The following LZTS1 variants were observed in gnomAD, a reference collection of about 807,000 sequenced individuals.
The protein encoded by LZTS1 is leucine zipper putative tumor suppressor 1.
A neutral mutation model predicts 45.8 loss-of-function variants in LZTS1; 31 were observed. That is an observed-to-expected ratio of 0.68 (90% confidence interval 0.51 to 0.91). The LOEUF is 0.91. Ranked by LOEUF, LZTS1 falls within the 40% of genes least tolerant of loss-of-function variation. The pLI is 0.00. For missense variants in LZTS1, 821 were observed against 788.9 expected (o/e 1.04, Z -0.49); for synonymous variants, 359 against 357.3 (o/e 1.00, Z -0.05).
rs1800437644 is a variant in LZTS1 at position 20,269,879 on chromosome 8, AG to A, written c.-134-14565del. On this transcript the variant is annotated intron_variant, in intron 1 of 3. Transcript: ENST00000381569. ...CTCTCTAGACCAGGGTCTTCCATGG[AG>A]GGAAGTGCAGCAGGTGCACGACTCT... 5.3e-5 allele frequency among the ~76,000 whole-genome samples: 8 copies of A among 152,238 alleles called. No homozygotes were observed. The South Asian group carries it at 1.7e-3, about 32-fold the overall frequency.
intron 1 of LZTS1, among the ~76,000 whole-genome samples, chr8:20,294,854 C>A (rs1265779249): frequency 6.6e-6 from 1 of 151,968 alleles, no homozygotes; most frequent in East Asian, 1.9e-4. Flanking sequence ...AGACACCAGG[C>A]ATGGGGCTGC....
chr8:20,268,622 C>A (rs1458715961), intron 1 of LZTS1, among the ~76,000 whole-genome samples: 2 of 152,050 alleles, frequency 1.3e-5, no homozygotes, highest in East Asian at 1.9e-4. Context: ...TTTGCAGACG[C>A]CTGAAGGCCT....
At position 20,255,212 on chromosome 8, in the gene LZTS1, C is replaced by T. The variant is rs372582893; in HGVS notation, c.-31G>A. ...CTCGGGGCTGAGGATGGGGCAGGGC[C>T]GGGCAGGGTCTTGGAAAGGCTGTGG... On this transcript the variant is annotated 5_prime_UTR_variant, in exon 2 of 4. Transcript: ENST00000381569. 46 of 1,586,736 alleles carry T rather than the reference C, an allele frequency of 2.9e-5. No homozygotes were observed. The highest frequency in any genetic ancestry group is 2.5e-4 in the South Asian group (22 of 87,422).
In LZTS1 at chr8:20,253,299, T is replaced by C; in HGVS notation, c.632A>G (p.His211Arg). 5 of 1,613,966 alleles carry C rather than the reference T, an allele frequency of 3.1e-6. No homozygotes were observed. Among genetic ancestry groups the C allele is most frequent in the Non-Finnish European group, 4.2e-6 (5 of 1,180,040 alleles). The change falls in exon 3 of 4, where the codon CAC becomes CGC. Residue 211 changes from histidine (H) to arginine (R), a missense_variant. Coordinates refer to ENST00000381569, the MANE Select transcript of LZTS1 (RefSeq NM_021020.5). The stretch of plus-strand genomic sequence containing the variant: ...GAGGACGATGCCCTGGGTGATGTTG[T>C]GGGCGGAGCCCCCAAAACGGCTTGT... ...GPTSRFGGSAHNITQGIVLQD... is the reference protein window; with the variant it reads ...GPTSRFGGSARNITQGIVLQD...
intron 1 of LZTS1, among the ~76,000 whole-genome samples, chr8:20,303,332 G>C (rs1359971648): frequency 6.6e-6 from 1 of 152,108 alleles, no homozygotes; most frequent in Non-Finnish European, 1.5e-5. Context: ...ACCGACCGCC[G>C]GACCCTCTTC....
Position 20,249,958 on chromosome 8 carries a change from C to T in LZTS1, c.1555G>A (p.Asp519Asn). Reference protein sequence around the residue: ...AELREERQGHDQMSSGFQHER... With the variant: ...AELREERQGHNQMSSGFQHER... ...TGCTGGAAGCCCGAGGACATCTGGT[C>T]ATGGCCTTGCCGCTCCTCCCGCAGC... Residue 519 changes from aspartate (D) to asparagine (N), a missense_variant, in exon 4 of 4, where the codon GAC (aspartate) becomes AAC (asparagine). Coordinates refer to ENST00000381569, the MANE Select transcript of LZTS1 (RefSeq NM_021020.5). The T allele has an allele frequency of 1.2e-6, 2 of 1,614,106 alleles. No individual in the cohort carries two copies. The highest frequency in any genetic ancestry group is 1.7e-6 in the Non-Finnish European group (2 of 1,179,994).
At chr8:20,276,223 A>T in intron 1 of LZTS1, among the ~76,000 whole-genome samples, 1 of 124,746 alleles carries the variant, frequency 8.0e-6, no homozygotes, top group East Asian at 3.2e-4. Flanking sequence ...GGCATCCTAA[A>T]ATCCTTAGAG....
intron 1 of LZTS1, among the ~76,000 whole-genome samples, chr8:20,256,803 A>G (rs1023637982): frequency 4.6e-5 from 7 of 152,048 alleles, no homozygotes; most frequent in Non-Finnish European, 1.0e-4. Context: ...CAGGAGGGTG[A>G]GTGGGCAGCT....
intron 1 of LZTS1, among the ~76,000 whole-genome samples, chr8:20,286,966 G>A (rs1440845428): frequency 6.6e-6 from 1 of 152,138 alleles, no homozygotes; most frequent in African/African-American, 2.4e-5. Flanking sequence ...TTTCCGGGGG[G>A]TACTTTTAAT....
chr8:20,291,913 G>A (rs1290275396), intron 1 of LZTS1, among the ~76,000 whole-genome samples: 2 of 152,138 alleles, frequency 1.3e-5, no homozygotes, highest in African/African-American at 4.8e-5. Flanking sequence ...CTCATGCCTT[G>A]TCTTTAGAAC....
chr8:20,249,386 G>A lies in LZTS1; in HGVS notation c.*336C>T, dbSNP rs546570478. ...GCAGAGGGGAGCCGCTGTACTTGCT[G>A]TGGCCACCTTCCCTGGAGGAGGGGG... is the stretch of plus-strand genomic sequence containing the variant. On this transcript the variant is annotated 3_prime_UTR_variant, in exon 4 of 4. Transcript: ENST00000381569. 98 of 263,494 alleles carry A rather than the reference G, an allele frequency of 3.7e-4. No homozygotes were observed. Among genetic ancestry groups the A allele is most frequent in the African/African-American group, 2.1e-3 (97 of 45,756 alleles). The allele number at this position is 263,494 out of a possible 1,614,324, so 16.3% of individuals were successfully genotyped here.
At chr8:20,254,198 G>A (rs978322499) in intron 2 of LZTS1, among the ~76,000 whole-genome samples, 4 of 152,202 alleles carry the variant, frequency 2.6e-5, no homozygotes, top group African/African-American at 7.2e-5. Flanking sequence ...AGGGGCAGAG[G>A]ACTGAATAGG....
chr8:20,252,991 C>T lies in LZTS1; in HGVS notation c.940G>A (p.Gly314Ser), dbSNP rs202065528. The change falls in exon 3 of 4, where the codon GGC becomes AGC. Residue 314 changes from glycine to serine, a missense_variant. Physicochemically the swap from Gly to Ser is moderately conservative, Grantham distance 56. Transcript: ENST00000381569. ...TGCGAGGCCTGCTTGAGCTTGTTGC[C>T]GCCTTTGGGCTCCGGGCCCTCCAGC... ...DELEGPEPKG[G>S]NKLKQASQKS... The T allele has an allele frequency of 2.6e-5, 42 of 1,587,994 alleles. No individual in the cohort carries two copies. Among genetic ancestry groups the T allele is most frequent in the Middle Eastern group, 3.3e-4 (2 of 5,976 alleles).
chr8:20,254,368 A>T (rs1271816811), intron 2 of LZTS1, among the ~76,000 whole-genome samples: 1 of 152,164 alleles, frequency 6.6e-6, no homozygotes, highest in Non-Finnish European at 1.5e-5. Context: ...AGCTTGAACA[A>T]GGAGCTAATG....
chr8:20,255,241 C>A lies in LZTS1; in HGVS notation c.-60G>T. 1 of 1,549,210 alleles carries A rather than the reference C, an allele frequency of 6.5e-7. No homozygotes were observed. Among genetic ancestry groups the A allele is most frequent in the Non-Finnish European group, 8.7e-7 (1 of 1,151,640 alleles). On this transcript the variant is annotated 5_prime_UTR_variant, in exon 2 of 4. Transcript: ENST00000381569. ...CAGGGTCTTGGAAAGGCTGTGGCAGCAAGGGGCAGTCGTGGCTCCGTGAGG... is the reference window on the plus strand; with the variant it reads ...CAGGGTCTTGGAAAGGCTGTGGCAGAAAGGGGCAGTCGTGGCTCCGTGAGG...
At chr8:20,289,983 G>C (rs896463839) in intron 1 of LZTS1, 1 of 152,210 alleles carries the variant, frequency 6.6e-6, no homozygotes, top group African/African-American at 2.4e-5. Flanking sequence ...TGGCTACCTG[G>C]TTCGAGGCAG....
Position 20,253,548 on chromosome 8 carries a change from T to C in LZTS1, c.383A>G (p.Lys128Arg). The change falls in exon 3 of 4, where the codon AAG becomes AGG. Residue 128 changes from lysine to arginine, a missense_variant. Coordinates refer to ENST00000381569, the MANE Select transcript of LZTS1 (RefSeq NM_021020.5). ...GGCTCCTGACCGTGGCAGCACAGGC[T>C]TGAAGGCTGTGGGCCTCACTGCACC... is the stretch of plus-strand genomic sequence containing the variant. ...EKGAVRPTAF[K>R]PVLPRSGAIL... 6.7e-7 allele frequency: 1 copy of C among 1,499,844 alleles called. No individual in the cohort carries two copies. Among genetic ancestry groups the C allele is most frequent in the East Asian group, 2.4e-5 (1 of 42,084 alleles). The allele number at this position is 1,499,844 out of a possible 1,614,324, so 92.9% of individuals were successfully genotyped here.
intron 1 of LZTS1, among the ~76,000 whole-genome samples, chr8:20,260,263 C>G (rs951504337): frequency 6.6e-6 from 1 of 152,182 alleles, no homozygotes; most frequent in Non-Finnish European, 1.5e-5. Context: ...GAGTCTCACT[C>G]TGTCACCCAG....
At chr8:20,268,921 G>A (rs1800419633) in intron 1 of LZTS1, among the ~76,000 whole-genome samples, 1 of 152,082 alleles carries the variant, frequency 6.6e-6, no homozygotes, top group South Asian at 2.1e-4. Context: ...CCACTGCTCT[G>A]GAGGAATCAA....
Sources: allele counts gnomAD v4.1 joint callset (sites outside exome capture counted in the v4.1 genomes callset), GRCh38; gene constraint gnomAD v4.1.1; transcripts MANE v1.5; gene names NCBI Gene and HGNC (gene_info 2026-07-23, HGNC 2026-07-21).